Variants in LRCH1 observed in about 807,000 individuals in gnomAD.
The protein encoded by LRCH1 is leucine-rich repeat and calponin homology domain-containing protein 1.
A neutral mutation model predicts 94.9 loss-of-function variants in LRCH1; 23 were observed. That is an observed-to-expected ratio of 0.24 (90% confidence interval 0.17 to 0.34). The LOEUF is 0.34. Ranked by LOEUF, LRCH1 falls within the 10% of genes least tolerant of loss-of-function variation. The pLI is 1.00. For synonymous variants in LRCH1, 364 were observed against 354.9 expected (o/e 1.03, Z -0.29); for missense variants, 790 against 945.9 (o/e 0.84, Z 2.16).
At chr13:46,686,744 T>A (rs183337772) in intron 5 of LRCH1, among the ~76,000 whole-genome samples, 1 of 152,256 alleles carries the variant, frequency 6.6e-6, no homozygotes, top group Admixed American at 6.5e-5. Flanking sequence ...AGTTTTCTGA[T>A]TCTCTGCTGA....
chr13:46,586,865 A>G (rs2050440909), intron 1 of LRCH1, among the ~76,000 whole-genome samples: 1 of 152,214 alleles, frequency 6.6e-6, no homozygotes, highest in Non-Finnish European at 1.5e-5. Flanking sequence ...GGTTCTTTCC[A>G]AGCAGGAAAG....
At chr13:46,573,845 A>AATATATATAT (rs1555269134) in intron 1 of LRCH1, among the ~76,000 whole-genome samples, 12 of 78,000 alleles carry the variant, frequency 1.5e-4, no homozygotes, top group East Asian at 5.2e-4. Flanking sequence ...ACTATAGTCA[A>AATATATATAT]ATATATATAT....
chr13:46,676,870 C>T lies in LRCH1; in HGVS notation c.580-4871C>T, dbSNP rs183777399. On this transcript the variant is annotated intron_variant, in intron 3 of 19. Coordinates refer to ENST00000389797, the MANE Select transcript of LRCH1 (RefSeq NM_001164211.2). ...ACAGCTCACTGCAGCCTTGACCTCT[C>T]GGGCTCAAGCAATCCTCCCACCTTA... 3.2e-3 allele frequency among the ~76,000 whole-genome samples: 494 copies of T among 152,246 alleles called. 2 individuals are homozygous for T. The highest frequency in any genetic ancestry group is 7.7e-3 in the South Asian group (37 of 4,824).
intron 9 of LRCH1, among the ~76,000 whole-genome samples, chr13:46,697,641 A>G (rs1009375046): frequency 2.0e-5 from 3 of 152,240 alleles, no homozygotes; most frequent in African/African-American, 7.2e-5. Flanking sequence ...AAGAAAGCAG[A>G]GTGTCACCTT....
intron 1 of LRCH1, among the ~76,000 whole-genome samples, chr13:46,615,728 G>T (rs2050800171): frequency 6.6e-6 from 1 of 152,138 alleles, no homozygotes; most frequent in South Asian, 2.1e-4. Flanking sequence ...CCCCAAGATT[G>T]GATGTTTTTC....
At chr13:46,651,761 C>T (rs2051303335) in intron 2 of LRCH1, among the ~76,000 whole-genome samples, 1 of 145,112 alleles carries the variant, frequency 6.9e-6, no homozygotes, top group African/African-American at 2.5e-5. Context: ...AGTGCAGTGG[C>T]GCCATCTCAG....
At chr13:46,605,979 G>A (rs2050682380) in intron 1 of LRCH1, among the ~76,000 whole-genome samples, 1 of 152,170 alleles carries the variant, frequency 6.6e-6, no homozygotes, top group Admixed American at 6.6e-5. Context: ...GACATGAAGT[G>A]ACTTCTCCAA....
chr13:46,705,844 A>G (rs1046046672), intron 13 of LRCH1, among the ~76,000 whole-genome samples: 4 of 152,214 alleles, frequency 2.6e-5, no homozygotes, highest in Admixed American at 2.6e-4. Context: ...GGATGGCTGT[A>G]AAGAAAGCAG....
chr13:46,738,464 T>C (rs1403174187), intron 19 of LRCH1, among the ~76,000 whole-genome samples: 1 of 152,262 alleles, frequency 6.6e-6, no homozygotes, highest in Non-Finnish European at 1.5e-5. Context: ...GTTCCCACTT[T>C]ACACCTCTTG....
At chr13:46,731,617 A>C (rs1374862926) in intron 18 of LRCH1, among the ~76,000 whole-genome samples, 1 of 152,190 alleles carries the variant, frequency 6.6e-6, no homozygotes, top group Non-Finnish European at 1.5e-5. Context: ...TTAGAAATGC[A>C]GTTTGTTTCT....
chr13:46,575,015 G>A (rs545245347), intron 1 of LRCH1, among the ~76,000 whole-genome samples: 75 of 152,198 alleles, frequency 4.9e-4, no homozygotes, highest in African/African-American at 1.6e-3. Flanking sequence ...TGGAATAACA[G>A]TTTCCAATCC....
intron 1 of LRCH1, among the ~76,000 whole-genome samples, chr13:46,623,062 C>A (rs758870197): frequency 4.6e-5 from 7 of 152,072 alleles, no homozygotes; most frequent in Non-Finnish European, 1.0e-4. Flanking sequence ...TTAAAAGATG[C>A]CAGTCTGTCA....
chr13:46,574,822 GTTTTTTTTTT>G (rs754195815), intron 1 of LRCH1, among the ~76,000 whole-genome samples: 2 of 69,424 alleles, frequency 2.9e-5, no homozygotes, highest in Non-Finnish European at 5.4e-5. Flanking sequence ...TGTGTGTGGG[GTTTTTTTTTT>G]TTTTTTTTTT....
intron 1 of LRCH1, among the ~76,000 whole-genome samples, chr13:46,582,667 T>TTTTTTTTTTTTTTTTTTTTTA (rs2050385470): frequency 8.5e-6 from 1 of 117,664 alleles, no homozygotes; most frequent in Non-Finnish European, 1.8e-5. Flanking sequence ...TTTTTTTTTT[T>TTTTTTTTTTTTTTTTTTTTTA]TTTTTGTATT....
At chr13:46,741,526 G>T (rs994808103) in intron 19 of LRCH1, 116 bp from the exon 20 acceptor site, 19 of 1,182,790 alleles carry the variant, frequency 1.6e-5, no homozygotes, top group African/African-American at 7.5e-5. Context: ...GAAATAAGGG[G>T]TTACTCCTGC....
At chr13:46,694,867 T>A in intron 8 of LRCH1, 26 bp from the exon 9 acceptor site, 1 of 1,613,340 alleles carries the variant, frequency 6.2e-7, no homozygotes, top group Non-Finnish European at 8.5e-7. Flanking sequence ...AATCATGCTT[T>A]CCATCTCTCT....
chr13:46,749,607 AT>A (rs35809899), downstream of LRCH1, among the ~76,000 whole-genome samples: 71,442 of 151,470 alleles, frequency 0.47, 18,349 homozygotes, highest in Non-Finnish European at 0.58. Context: ...AATAAATACA[AT>A]TTTTTTTTTC....
chr13:46,652,368 G>A (rs1189102451), intron 2 of LRCH1, among the ~76,000 whole-genome samples: 1 of 149,468 alleles, frequency 6.7e-6, no homozygotes, highest in Non-Finnish European at 1.5e-5. Context: ...AAGCCACTGC[G>A]TCTGGCCAAG....
At chr13:46,643,406 A>G (rs1160170804) in intron 1 of LRCH1, among the ~76,000 whole-genome samples, 2 of 152,186 alleles carry the variant, frequency 1.3e-5, no homozygotes, top group Non-Finnish European at 2.9e-5. Flanking sequence ...AATTCAATTA[A>G]GTCCTAGATT....
Sources: gnomAD v4.1 joint callset for allele counts (sites outside exome capture counted in the v4.1 genomes callset) on GRCh38, gnomAD v4.1.1 for gene constraint, MANE v1.5 for transcripts, NCBI Gene and HGNC (gene_info 2026-07-23, HGNC 2026-07-21) for gene names.